The following ANKS1B variants were observed in gnomAD, a reference collection of about 807,000 sequenced individuals.
The protein encoded by ANKS1B is ankyrin repeat and sterile alpha motif domain-containing protein 1B.
A neutral mutation model predicts 148.3 loss-of-function variants in ANKS1B; 36 were observed. The ratio of observed to expected loss-of-function variants is 0.24; its 90% confidence interval spans 0.19 to 0.32. ANKS1B has a LOEUF of 0.32. Among genes scored for constraint, ANKS1B ranks in the 10% least tolerant of loss-of-function variants. The probability of loss-of-function intolerance (pLI) is 1.00; values close to 1 mark genes in which losing one functional copy is unlikely to be tolerated. For synonymous variants in ANKS1B, 542 were observed against 560.8 expected (o/e 0.97, Z 0.47); for missense variants, 1,157 against 1,542.6 (o/e 0.75, Z 4.19).
intron 12 of ANKS1B, among the ~76,000 whole-genome samples, chr12:99,371,601 GA>G (rs1182202366): frequency 5.9e-5 from 9 of 151,938 alleles, no homozygotes; most frequent in African/African-American, 2.2e-4. Flanking sequence ...GAGAGAGAGA[GA>G]GAGAATTTAC....
intron 15 of ANKS1B, among the ~76,000 whole-genome samples, chr12:99,128,993 G>T (rs1419634567): frequency 6.6e-6 from 1 of 152,212 alleles, no homozygotes; most frequent in Non-Finnish European, 1.5e-5. Flanking sequence ...GATGGAGCAG[G>T]TGGGGCCGTT....
chr12:99,556,622 C>A (rs559788461), intron 9 of ANKS1B, among the ~76,000 whole-genome samples: 5 of 152,206 alleles, frequency 3.3e-5, no homozygotes, highest in African/African-American at 1.2e-4. Flanking sequence ...AGCTATGTCC[C>A]AGAGATTCTG....
At chr12:99,885,011 A>G (rs565407821) in intron 1 of ANKS1B, among the ~76,000 whole-genome samples, 1 of 152,184 alleles carries the variant, frequency 6.6e-6, no homozygotes, top group East Asian at 1.9e-4. Flanking sequence ...ATCACTTAAT[A>G]TAGAGCTTTG....
intron 8 of ANKS1B, among the ~76,000 whole-genome samples, chr12:99,678,824 A>G (rs955363004): frequency 3.3e-5 from 5 of 152,204 alleles, no homozygotes; most frequent in Non-Finnish European, 4.4e-5. Context: ...AATATGAACA[A>G]TAAGGATCAA....
At chr12:99,763,173 C>T (rs2062315272) in intron 8 of ANKS1B, among the ~76,000 whole-genome samples, 1 of 152,096 alleles carries the variant, frequency 6.6e-6, no homozygotes, top group Non-Finnish European at 1.5e-5. Flanking sequence ...AATCATTCTA[C>T]CATTAAGACA....
rs1022824652 is a variant in ANKS1B at position 99,984,527 on chromosome 12, C to A, written c.-290G>T. The stretch of plus-strand genomic sequence containing the variant: ...CCCTGAATTCCCAAGGCCTCGTTCC[C>A]GCGGGTGCGGCGTGAGGGGGTGGGG... On this transcript the variant is annotated 5_prime_UTR_variant, in exon 1 of 27. Coordinates refer to ENST00000683438, the MANE Select transcript of ANKS1B (RefSeq NM_001352186.2). The A allele has an allele frequency of 9.3e-6, 3 of 321,484 alleles. No homozygotes were observed. The highest frequency in any genetic ancestry group is 1.7e-5 in the Non-Finnish European group (3 of 172,458). The allele number at this position is 321,484 out of a possible 1,614,324, so 19.9% of individuals were successfully genotyped here. A position where few individuals can be genotyped will look rare whatever the true frequency, so the allele number is the denominator to read the frequency against.
At chr12:99,521,672 T>G (rs2096876150) in intron 9 of ANKS1B, among the ~76,000 whole-genome samples, 1 of 152,194 alleles carries the variant, frequency 6.6e-6, no homozygotes, top group Admixed American at 6.5e-5. Context: ...GCAGAGACTC[T>G]TGTTCTCTTT....
At chr12:99,556,567 G>C (rs2097278544) in intron 9 of ANKS1B, among the ~76,000 whole-genome samples, 4 of 152,044 alleles carry the variant, frequency 2.6e-5, no homozygotes, top group Admixed American at 2.6e-4. Context: ...CTAACGTTTT[G>C]ATGTGGGCAT....
chr12:99,129,051 G>C (rs894287203), intron 15 of ANKS1B, among the ~76,000 whole-genome samples: 1 of 152,142 alleles, frequency 6.6e-6, no homozygotes, highest in South Asian at 2.1e-4. Flanking sequence ...GATGAAACAA[G>C]AGCCAAGGAA....
At chr12:98,800,217 G>GAAA (rs770133422) in intron 21 of ANKS1B, among the ~76,000 whole-genome samples, 2 of 39,174 alleles carry the variant, frequency 5.1e-5, no homozygotes, top group African/African-American at 8.4e-5. Context: ...AGCAGAAAAT[G>GAAA]AAAAAAAAAA....
chr12:99,881,116 C>T (rs966534325), intron 1 of ANKS1B, among the ~76,000 whole-genome samples: 2 of 152,170 alleles, frequency 1.3e-5, no homozygotes, highest in Non-Finnish European at 2.9e-5. Flanking sequence ...CTGGTGTCTA[C>T]ACCTGGTACA....
chr12:99,047,977 G>A (rs1478231751), intron 17 of ANKS1B, among the ~76,000 whole-genome samples: 1 of 152,112 alleles, frequency 6.6e-6, no homozygotes, highest in East Asian at 1.9e-4. Context: ...ATGTTTTGAT[G>A]TTACTGGCTA....
At chr12:98,996,448 T>C (rs547705667) in intron 17 of ANKS1B, among the ~76,000 whole-genome samples, 2 of 152,252 alleles carry the variant, frequency 1.3e-5, no homozygotes, top group Admixed American at 6.5e-5. Flanking sequence ...AAAGAGTCTA[T>C]CCACCCAGAT....
intron 25 of ANKS1B, among the ~76,000 whole-genome samples, chr12:98,764,488 A>G (rs1343477527): frequency 6.6e-6 from 1 of 151,944 alleles, no homozygotes; most frequent in African/African-American, 2.4e-5. Context: ...TCAGCCTCCT[A>G]AAGTGCTGGG....
At chr12:99,244,437 A>G in intron 13 of ANKS1B, 23 bp from the exon 14 acceptor site, 1 of 1,484,850 alleles carries the variant, frequency 6.7e-7, no homozygotes, top group Non-Finnish European at 9.3e-7. Flanking sequence ...AAAACCATTT[A>G]AATGGATTGT....
intron 12 of ANKS1B, among the ~76,000 whole-genome samples, chr12:99,325,265 C>A (rs961730866): frequency 2.0e-5 from 3 of 152,038 alleles, no homozygotes; most frequent in African/African-American, 7.2e-5. Flanking sequence ...CCTATCACAG[C>A]AACATGAATC....
chr12:98,739,221 T>C (rs375608773), downstream of ANKS1B, among the ~76,000 whole-genome samples: 3 of 152,178 alleles, frequency 2.0e-5, no homozygotes, highest in East Asian at 5.8e-4. Flanking sequence ...GAGCATCACT[T>C]CAGTTCTGCA....
At chr12:99,776,031 T>C (rs1413008837) in intron 6 of ANKS1B, among the ~76,000 whole-genome samples, 2 of 152,170 alleles carry the variant, frequency 1.3e-5, no homozygotes, top group East Asian at 3.8e-4. Flanking sequence ...ATGCTTTGAA[T>C]AGATTTAATC....
intron 10 of ANKS1B, among the ~76,000 whole-genome samples, chr12:99,487,113 T>G (rs1190997206): frequency 1.3e-5 from 2 of 152,170 alleles, no homozygotes; most frequent in African/African-American, 4.8e-5. Context: ...GAAGGAAACT[T>G]CATATCAGCA....
Sources: gnomAD v4.1 joint callset for allele counts (sites outside exome capture counted in the v4.1 genomes callset) on GRCh38, gnomAD v4.1.1 for gene constraint, MANE v1.5 for transcripts, NCBI Gene and HGNC (gene_info 2026-07-23, HGNC 2026-07-21) for gene names.